PSTPIP1: variants seen among roughly 807,000 people sequenced by gnomAD.
The protein encoded by PSTPIP1 is proline-serine-threonine phosphatase-interacting protein 1.
PSTPIP1 carries 66 observed loss-of-function variants against 69.6 expected under a neutral mutation model. The ratio of observed to expected loss-of-function variants is 0.95; its 90% CI spans 0.78 to 1.16. The LOEUF is 1.16. Ranked by LOEUF, PSTPIP1 falls within the 50% of genes most tolerant of loss-of-function variation. The probability of loss-of-function intolerance (pLI) is 0.00; values close to 1 mark genes in which losing one functional copy is unlikely to be tolerated. For synonymous variants in PSTPIP1, 266 were observed against 222.7 expected (o/e 1.19, Z -1.73); for missense variants, 603 against 557.4 (o/e 1.08, Z -0.82).
rs1207596821 is a variant in PSTPIP1 at position 77,028,432 on chromosome 15, G to A, written c.418-122G>A. The A allele has an allele frequency of 6.9e-6, 5 of 724,952 alleles. No individual in the cohort carries two copies. In the East Asian group the frequency reaches 1.2e-4, roughly 17 times the overall value. 44.9% of individuals were successfully genotyped at this position (724,952 alleles called of 1,614,324 possible). A position where few individuals can be genotyped will look rare whatever the true frequency, so the allele number is the denominator to read the frequency against. ...CCAGATCCCTGTCCCTGGTGAGGATGCCCCCACTCCACCCGCAACCCTCGC... is the reference window on the plus strand; with the variant it reads ...CCAGATCCCTGTCCCTGGTGAGGATACCCCCACTCCACCCGCAACCCTCGC... On this transcript the variant is annotated intron_variant, in intron 6 of 14. Coordinates refer to ENST00000558012, the MANE Select transcript of PSTPIP1 (RefSeq NM_003978.5).
intron 3 of PSTPIP1, among the ~76,000 whole-genome samples, chr15:77,023,096 C>T (rs181531465): frequency 1.9e-4 from 29 of 152,354 alleles, no homozygotes; most frequent in African/African-American, 6.0e-4. Context: ...CCAGAACCTG[C>T]GATTCCTTAC....
At chr15:77,035,961 C>G (rs1302665560) in intron 14 of PSTPIP1, 26 bp downstream of exon 14, 3 of 1,563,616 alleles carry the variant, frequency 1.9e-6, no homozygotes, top group Non-Finnish European at 2.6e-6. Context: ...CCCAAACCCA[C>G]CTGTGCCACC....
chr15:77,035,391 T>C (rs1003881219), intron 12 of PSTPIP1, 117 bp from the exon 13 acceptor site: 1 of 1,113,108 alleles, frequency 9.0e-7, no homozygotes, highest in Non-Finnish European at 1.3e-6. Flanking sequence ...CTAGGGGCAG[T>C]CCCAGCCCTG....
At chr15:77,030,804 C>T (rs1186600213) in intron 9 of PSTPIP1, among the ~76,000 whole-genome samples, 1 of 152,238 alleles carries the variant, frequency 6.6e-6, no homozygotes, top group Admixed American at 6.5e-5. Flanking sequence ...AGGCATTCTT[C>T]CACCCTCTTT....
At chr15:77,009,196 C>T (rs1043477177) in intron 1 of PSTPIP1, among the ~76,000 whole-genome samples, 2 of 152,178 alleles carry the variant, frequency 1.3e-5, no homozygotes, top group Admixed American at 6.5e-5. Flanking sequence ...CCCCCAGGCA[C>T]GGAAGGCCTC....
intron 9 of PSTPIP1, among the ~76,000 whole-genome samples, 153 bp downstream of exon 9, chr15:77,030,734 T>A (rs2076394566): frequency 6.6e-6 from 1 of 152,240 alleles, no homozygotes; most frequent in South Asian, 2.1e-4. Flanking sequence ...AGGCCTGTGC[T>A]GGGCCCTGGC....
In PSTPIP1 at chr15:77,037,240, T is replaced by A; in HGVS notation, c.*64T>A. On this transcript the variant is annotated 3_prime_UTR_variant, in exon 15 of 15. Coordinates refer to ENST00000558012, the MANE Select transcript of PSTPIP1 (RefSeq NM_003978.5). ...GGAGCCAGCAGTGCCCCCAGCACTG[T>A]CCCCACCTTGCTAGGGCCCAGAACC... is the stretch of plus-strand genomic sequence containing the variant. 1 of 1,538,678 alleles carries A rather than the reference T, an allele frequency of 6.5e-7. No individual in the cohort carries two copies. Among genetic ancestry groups the A allele is most frequent in the Non-Finnish European group, 8.8e-7 (1 of 1,141,744 alleles).
At chr15:77,008,306 G>A (rs2075861566) in intron 1 of PSTPIP1, among the ~76,000 whole-genome samples, 1 of 152,158 alleles carries the variant, frequency 6.6e-6, no homozygotes. Context: ...TGGGTCTAGG[G>A]TCAGAGCAGG....
chr15:77,022,746 C>A (rs1190668114), intron 3 of PSTPIP1, among the ~76,000 whole-genome samples: 1 of 152,172 alleles, frequency 6.6e-6, no homozygotes, highest in East Asian at 1.9e-4. Context: ...GTGTTCTGGG[C>A]CTTGTTGTGT....
chr15:77,034,656 G>A lies in PSTPIP1; in HGVS notation c.930-852G>A, dbSNP rs144527688. Among the ~76,000 whole-genome samples the A allele has an allele frequency of 3.9e-5, 6 of 152,088 alleles. No homozygotes were observed. In the East Asian group the frequency reaches 1.2e-3, roughly 29 times the overall value. ...CTGCACCTGAGCCCTCCCTCTCCTG[G>A]TCACCTGCAGTGCCTCGCTCCCCCT... On this transcript the variant is annotated intron_variant, in intron 12 of 14. Transcript: ENST00000558012.
chr15:77,014,739 C>T (rs1006148073), intron 1 of PSTPIP1, among the ~76,000 whole-genome samples: 3 of 152,210 alleles, frequency 2.0e-5, no homozygotes, highest in Admixed American at 1.3e-4. Context: ...AGGCCTGGGC[C>T]GTGGCTCACA....
chr15:77,004,320 A>C (rs2075772242), intron 1 of PSTPIP1, among the ~76,000 whole-genome samples: 2 of 152,236 alleles, frequency 1.3e-5, no homozygotes, highest in African/African-American at 4.8e-5. Flanking sequence ...AGCTCCTTCC[A>C]CTGGTGTTGA....
At position 77,032,931 on chromosome 15, in the gene PSTPIP1, C is replaced by T. The variant is rs189773500; in HGVS notation, c.908C>T (p.Pro303Leu). 5.0e-4 allele frequency: 802 copies of T among 1,604,630 alleles called. 5 individuals carry two copies. In the African/African-American group the frequency reaches 9.2e-3, roughly 18 times the overall value. ...TPLTSSPGIQ[P>L]SCGMIKRFSG... ...CTGACCAGCAGCCCTGGCATACAGC[C>T]GTCCTGCGGCATGATAAAGAGGTGA... Residue 303 changes from proline to leucine, a missense_variant, in exon 12 of 15, where the codon CCG becomes CTG. Transcript: ENST00000558012.
chr15:77,032,362 TC>T lies in PSTPIP1; in HGVS notation c.808del (p.Gln270ArgfsTer26), dbSNP rs1399612418. 6.2e-7 allele frequency: 1 copy of T among 1,612,532 alleles called. No homozygotes were observed. The highest frequency in any genetic ancestry group is 8.5e-7 in the Non-Finnish European group (1 of 1,179,782). ...ATAGACGCCGACATCGACAGTTTCATCCAGGCCAAGAGCACGGGCACAGAGC... is the reference window on the plus strand; with the variant it reads ...ATAGACGCCGACATCGACAGTTTCATCAGGCCAAGAGCACGGGCACAGAGC... ...CSIDADIDSF[I>X]QAKSTGTEPP... is the part of the protein sequence containing the mutation. On this transcript the variant is annotated frameshift_variant, in exon 11 of 15. Coordinates refer to ENST00000558012, the MANE Select transcript of PSTPIP1 (RefSeq NM_003978.5). LOFTEE classifies it high-confidence loss of function.
At chr15:77,006,074 C>T (rs2075810003) in intron 1 of PSTPIP1, among the ~76,000 whole-genome samples, 1 of 152,152 alleles carries the variant, frequency 6.6e-6, no homozygotes, top group Admixed American at 6.5e-5. Context: ...GTTTTACATT[C>T]CCATCAGCAA....
Position 77,025,231 on chromosome 15 carries a change from G to A in PSTPIP1, c.213-53G>A, listed in dbSNP as rs1026067013. Reference sequence around the variant, plus strand: ...ACCCCGCCGGGAGGCAGCCTGGACTGTAGGTTCCCGCTGTGCTCTCCTCCT... The same window carrying A: ...ACCCCGCCGGGAGGCAGCCTGGACTATAGGTTCCCGCTGTGCTCTCCTCCT... On this transcript the variant is annotated intron_variant, in intron 3 of 14. Transcript: ENST00000558012. 3.2e-6 allele frequency: 5 copies of A among 1,555,464 alleles called. No homozygotes were observed. The African/African-American group carries it at 6.8e-5, about 21-fold the overall frequency.
At chr15:77,028,871 C>T (rs994126125) in intron 7 of PSTPIP1, among the ~76,000 whole-genome samples, 5 of 152,216 alleles carry the variant, frequency 3.3e-5, no homozygotes, top group Non-Finnish European at 5.9e-5. Flanking sequence ...CACCGTCAGG[C>T]GGCACTCAGG....
intron 3 of PSTPIP1, among the ~76,000 whole-genome samples, chr15:77,019,064 A>C (rs1421674767): frequency 6.6e-6 from 1 of 152,212 alleles, no homozygotes. Flanking sequence ...CAAAGGAAGA[A>C]GTGGGCCCAT....
chr15:77,026,052 G>C, intron 5 of PSTPIP1: 1 of 457,376 alleles, frequency 2.2e-6, no homozygotes, highest in Non-Finnish European at 4.4e-6. Flanking sequence ...GTCAGACACA[G>C]ACTGGGGTGG....
Sources: allele counts gnomAD v4.1 joint callset (sites outside exome capture counted in the v4.1 genomes callset), GRCh38; gene constraint gnomAD v4.1.1; transcripts MANE v1.5; gene names NCBI Gene and HGNC (gene_info 2026-07-23, HGNC 2026-07-21).